UPF2: variants seen among roughly 807,000 people sequenced by gnomAD.
UPF2 encodes the protein UPF2 regulator of nonsense mediated mRNA decay.
A neutral mutation model predicts 141.4 loss-of-function variants in UPF2; 17 were observed. The ratio of observed to expected loss-of-function variants is 0.12; its 90% confidence interval spans 0.08 to 0.18. The LOEUF is 0.18. Among genes scored for constraint, UPF2 ranks in the 10% least tolerant of loss-of-function variants. UPF2 has a pLI of 1.00. For missense variants in UPF2, 1,152 were observed against 1,515.9 expected (o/e 0.76, Z 3.99); for synonymous variants, 540 against 498.0 (o/e 1.08, Z -1.12).
chr10:12,013,182 T>G (rs557349929), intron 4 of UPF2, among the ~76,000 whole-genome samples: 1 of 151,984 alleles, frequency 6.6e-6, no homozygotes, highest in South Asian at 2.1e-4. Context: ...AATAAATGCA[T>G]TCACAGTATA....
intron 4 of UPF2, among the ~76,000 whole-genome samples, chr10:12,013,178 T>C (rs1467072193): frequency 1.3e-5 from 2 of 151,664 alleles, no homozygotes; most frequent in Admixed American, 1.3e-4. Context: ...ATACAATAAA[T>C]GCATTCACAG....
At chr10:11,990,172 CA>C (rs1288964379) in intron 8 of UPF2, among the ~76,000 whole-genome samples, 1 of 152,186 alleles carries the variant, frequency 6.6e-6, no homozygotes, top group African/African-American at 2.4e-5. Context: ...CTGGCCCAAA[CA>C]GGGCAGATCT....
chr10:11,973,101 T>C (rs985840441), intron 9 of UPF2, among the ~76,000 whole-genome samples: 19 of 152,330 alleles, frequency 1.2e-4, no homozygotes, highest in African/African-American at 3.6e-4. Context: ...TGGTATCTCA[T>C]TGTGGTTTTG....
chr10:11,977,504 A>G (rs145913871), intron 9 of UPF2, among the ~76,000 whole-genome samples: 1 of 152,306 alleles, frequency 6.6e-6, no homozygotes, highest in Non-Finnish European at 1.5e-5. Context: ...GAGAGTACAT[A>G]TAGACAGAAT....
intron 14 of UPF2, among the ~76,000 whole-genome samples, chr10:11,952,469 C>CTTTTT (rs869201076): frequency 3.2e-4 from 31 of 97,734 alleles, no homozygotes; most frequent in South Asian, 8.7e-4. Context: ...TACTAAATAT[C>CTTTTT]TTTTTTTTTT....
At chr10:11,999,853 G>T in intron 7 of UPF2, 53 bp downstream of exon 7, 2 of 1,380,076 alleles carry the variant, frequency 1.4e-6, no homozygotes, top group Non-Finnish European at 2.1e-6. Flanking sequence ...CCTTATCAGA[G>T]GACTCCTACA....
At chr10:11,990,866 T>C (rs2131249232) in intron 8 of UPF2, among the ~76,000 whole-genome samples, 1 of 150,554 alleles carries the variant, frequency 6.6e-6, no homozygotes, top group East Asian at 1.9e-4. Context: ...CGGGCACCTG[T>C]AGTGTCAGCT....
chr10:11,955,146 C>A, intron 14 of UPF2, 86 bp downstream of exon 14: 1 of 1,274,250 alleles, frequency 7.8e-7, no homozygotes, highest in Non-Finnish European at 1.0e-6. Context: ...TATATGAATA[C>A]CATAACGTTT....
Position 11,956,647 on chromosome 10 carries a change from C to A in UPF2, c.2371-124G>T. On this transcript the variant is annotated intron_variant, in intron 12 of 21. Transcript: ENST00000357604. The surrounding 1 kb of genome is among the most constrained non-coding windows in gnomAD (Gnocchi z 4.2). ...AAATAGAAAATACATTAGAAATCCT[C>A]TATCGGCCTCTTCAGAAATAGAAAA... The A allele has an allele frequency of 1.3e-6, 1 of 778,502 alleles. No individual in the cohort carries two copies. Among genetic ancestry groups the A allele is most frequent in the Non-Finnish European group, 2.1e-6 (1 of 482,858 alleles). 48.2% of individuals were successfully genotyped at this position (778,502 alleles called of 1,614,324 possible).
At chr10:11,975,356 C>T (rs1833489182) in intron 9 of UPF2, among the ~76,000 whole-genome samples, 1 of 152,216 alleles carries the variant, frequency 6.6e-6, no homozygotes, top group Non-Finnish European at 1.5e-5. Flanking sequence ...AAAAGAATTC[C>T]TCATGTTCCC....
At chr10:11,988,541 G>C (rs182201737) in intron 8 of UPF2, among the ~76,000 whole-genome samples, 3 of 152,176 alleles carry the variant, frequency 2.0e-5, no homozygotes, top group African/African-American at 7.2e-5. Flanking sequence ...CTGGCTTTAG[G>C]CCATCCTCCT....
intron 4 of UPF2, among the ~76,000 whole-genome samples, chr10:12,009,017 G>T: frequency 6.6e-6 from 1 of 152,050 alleles, no homozygotes; most frequent in Non-Finnish European, 1.5e-5. Context: ...CAAAGGACAT[G>T]AACTCACTCT....
chr10:11,929,374 G>C (rs1349617427), intron 21 of UPF2, among the ~76,000 whole-genome samples: 1 of 152,226 alleles, frequency 6.6e-6, no homozygotes, highest in Non-Finnish European at 1.5e-5. Context: ...CCAAGATCTA[G>C]CTGAAACCAA....
chr10:11,962,723 GA>G (rs1338611935), intron 11 of UPF2, among the ~76,000 whole-genome samples: 2 of 152,010 alleles, frequency 1.3e-5, no homozygotes, highest in East Asian at 3.9e-4. Context: ...CTGCCACCAG[GA>G]AAAAAACTCA....
chr10:11,943,478 C>A (rs183811036), intron 16 of UPF2, among the ~76,000 whole-genome samples: 3 of 152,332 alleles, frequency 2.0e-5, no homozygotes, highest in South Asian at 4.1e-4. Flanking sequence ...TGAAACAAAT[C>A]TGGAGAGGCT....
At position 11,929,854 on chromosome 10, in the gene UPF2, G is replaced by T. The variant is rs985655628; in HGVS notation, c.3809+11C>A. The T allele has an allele frequency of 1.2e-6, 2 of 1,613,692 alleles. No homozygotes were observed. Among genetic ancestry groups the T allele is most frequent in the African/African-American group, 2.7e-5 (2 of 75,038 alleles). On this transcript the variant is annotated intron_variant, in intron 21 of 21. Transcript: ENST00000357604. ...AACAAACAGCTAAGGAAGGAGTAAT[G>T]ACTGCTTTACCTCCCACCAGTCTTA...
intron 8 of UPF2, among the ~76,000 whole-genome samples, chr10:11,982,324 G>C (rs116548614): frequency 1.3e-5 from 2 of 152,150 alleles, no homozygotes; most frequent in Non-Finnish European, 2.9e-5. Context: ...CGCACTGGGA[G>C]TGAGGAGACC....
Position 11,967,450 on chromosome 10 carries a change from C to T in UPF2, c.1958G>A (p.Arg653Gln), listed in dbSNP as rs1373487583. 3.9e-6 allele frequency: 6 copies of T among 1,543,176 alleles called. No individual in the cohort carries two copies. Among genetic ancestry groups the T allele is most frequent in the South Asian group, 1.2e-5 (1 of 80,236 alleles). ...TTCAATATTGATCTGGTCCTTTTTC[C>T]GTACCTAAAAATTAAGAGAGAAAAG... ...MLRGDFRFHV[R>Q]KKDQINIETK... The change falls in exon 10 of 22, where the codon CGG becomes CAG. Residue 653 changes from arginine to glutamine, a missense_variant. This residue lies in a region of UPF2 where 739 missense variants were observed against 1,032.2 expected (regional missense o/e 0.72). Coordinates refer to ENST00000357604, the MANE Select transcript of UPF2 (RefSeq NM_015542.4).
At chr10:12,024,327 G>C (rs1368957762) in intron 3 of UPF2, among the ~76,000 whole-genome samples, 1 of 151,922 alleles carries the variant, frequency 6.6e-6, no homozygotes, top group Non-Finnish European at 1.5e-5. Context: ...TTTGGGATGG[G>C]GGGTGGGCAC....
Sources: allele counts gnomAD v4.1 joint callset (sites outside exome capture counted in the v4.1 genomes callset), GRCh38; gene constraint gnomAD v4.1.1; regional missense constraint gnomAD v4.1.1; non-coding constraint Gnocchi (gnomAD v3.1); transcripts MANE v1.5; gene names NCBI Gene and HGNC (gene_info 2026-07-23, HGNC 2026-07-21).